ACACA: variants seen among roughly 807,000 people sequenced by gnomAD.
The protein encoded by ACACA is acetyl-CoA carboxylase alpha.
A neutral mutation model predicts 296.1 loss-of-function variants in ACACA; 103 were observed. The observed-to-expected ratio is 0.35, with a 90% CI of 0.30 to 0.41. The LOEUF (loss-of-function observed/expected upper bound fraction) is 0.41. Ranked by LOEUF, ACACA falls within the 10% of genes least tolerant of loss-of-function variation. The probability of loss-of-function intolerance (pLI) is 1.00; values close to 1 mark genes in which losing one functional copy is unlikely to be tolerated. For missense variants in ACACA, 1,554 were observed against 2,989.7 expected (o/e 0.52, Z 11.20); for synonymous variants, 953 against 1,038.6 (o/e 0.92, Z 1.58).
At chr17:37,206,071 T>G (rs1190847545) in intron 32 of ACACA, among the ~76,000 whole-genome samples, 199 bp from the exon 33 acceptor site, 4 of 152,186 alleles carry the variant, frequency 2.6e-5, no homozygotes, top group Non-Finnish European at 4.4e-5. Context: ...AGCATATAAA[T>G]TTTAAAAGAT....
At chr17:37,207,210 A>G (rs975961388) in intron 31 of ACACA, among the ~76,000 whole-genome samples, 3 of 152,226 alleles carry the variant, frequency 2.0e-5, no homozygotes, top group African/African-American at 7.2e-5. Context: ...AGTGTCTGGA[A>G]CTGGAGTAGT....
intron 52 of ACACA, among the ~76,000 whole-genome samples, chr17:37,108,328 G>A (rs940516242): frequency 6.6e-6 from 1 of 151,842 alleles, no homozygotes; most frequent in Non-Finnish European, 1.5e-5. Flanking sequence ...TTCTAGAAGA[G>A]ATGAAGTTAG....
At chr17:37,090,508 T>C (rs1345882077) in intron 54 of ACACA, among the ~76,000 whole-genome samples, 1 of 152,202 alleles carries the variant, frequency 6.6e-6, no homozygotes, top group East Asian at 1.9e-4. Flanking sequence ...TCAGCAATTC[T>C]TCAGCTGGGG....
intron 1 of ACACA, among the ~76,000 whole-genome samples, chr17:37,382,030 TTC>T (rs1292310098): frequency 6.6e-6 from 1 of 152,228 alleles, no homozygotes; most frequent in African/African-American, 2.4e-5. Flanking sequence ...GTATATATTC[TTC>T]TTTTTTCTCT....
At chr17:37,094,596 G>A (rs953674530) in intron 54 of ACACA, among the ~76,000 whole-genome samples, 11 of 131,134 alleles carry the variant, frequency 8.4e-5, no homozygotes, top group African/African-American at 2.6e-4. Context: ...ACACCAAACA[G>A]CAAGCAGATT....
intron 33 of ACACA, among the ~76,000 whole-genome samples, chr17:37,205,469 A>G (rs978351359): frequency 6.6e-6 from 1 of 152,304 alleles, no homozygotes; most frequent in South Asian, 2.1e-4. Flanking sequence ...CACCAAAGGA[A>G]AATACTTGGT....
At chr17:37,366,483 T>C (rs1158555352) in intron 1 of ACACA, among the ~76,000 whole-genome samples, 1 of 151,548 alleles carries the variant, frequency 6.6e-6, no homozygotes. Flanking sequence ...TTTTTTTTTT[T>C]TTTGAGACGG....
intron 1 of ACACA, among the ~76,000 whole-genome samples, chr17:37,351,254 G>T (rs928471009): frequency 6.6e-6 from 1 of 152,162 alleles, no homozygotes; most frequent in Admixed American, 6.5e-5. Context: ...CTGATGTCAG[G>T]GGTTCAAGAC....
chr17:37,274,827 T>C (rs1308681645), intron 8 of ACACA: 2 of 246,606 alleles, frequency 8.1e-6, no homozygotes, highest in African/African-American at 4.6e-5. Flanking sequence ...CCTTTTATTT[T>C]AAACTATTTG....
chr17:37,297,725 AT>A (rs2083422457), intron 3 of ACACA, among the ~76,000 whole-genome samples: 1 of 151,630 alleles, frequency 6.6e-6, no homozygotes, highest in South Asian at 2.1e-4. Context: ...TAATTTTTGT[AT>A]TTTTAGTAGA....
At chr17:37,388,519 C>T (rs1022550704) in intron 1 of ACACA, 50 of 884,584 alleles carry the variant, frequency 5.7e-5, no homozygotes, top group Non-Finnish European at 7.8e-5. Context: ...CCCTCCAGCC[C>T]TGAGTTTGAA....
At chr17:37,295,337 T>G (rs964255317) in intron 3 of ACACA, among the ~76,000 whole-genome samples, 2 of 151,938 alleles carry the variant, frequency 1.3e-5, no homozygotes, top group Non-Finnish European at 2.9e-5. Flanking sequence ...ACAAGAAAAA[T>G]AAACCCCAAA....
chr17:37,106,268 A>T (rs1023187474), intron 52 of ACACA, among the ~76,000 whole-genome samples: 5 of 152,176 alleles, frequency 3.3e-5, no homozygotes. Flanking sequence ...GCCTTAAGGG[A>T]GCTATTTTAT....
intron 45 of ACACA, chr17:37,143,886 A>G: frequency 6.5e-6 from 10 of 1,546,182 alleles, no homozygotes; most frequent in Non-Finnish European, 8.9e-6. Flanking sequence ...TGTCATCTGC[A>G]GCAGTGTTAT....
chr17:37,109,212 A>G (rs2073854396), intron 52 of ACACA, among the ~76,000 whole-genome samples: 1 of 152,210 alleles, frequency 6.6e-6, no homozygotes, highest in Non-Finnish European at 1.5e-5. Context: ...CCCGTATAGG[A>G]TATCCCTGAG....
chr17:37,243,459 G>A lies in ACACA; in HGVS notation c.2843C>T (p.Pro948Leu). The A allele has an allele frequency of 6.2e-7, 1 of 1,614,078 alleles. No individual in the cohort carries two copies. Among genetic ancestry groups the A allele is most frequent in the South Asian group, 1.1e-5 (1 of 91,076 alleles). ...CTTGATAGACTTCTCCACATTGGGG[G>A]GAATGCGGCCAGACACACTGGTCAT... ...DIMTSVSGRI[P>L]PNVEKSIKKE... Residue 948 changes from proline to leucine, a missense_variant, in exon 22 of 56, where the codon CCC becomes CTC. This residue lies in a region of ACACA where 316 missense variants were observed against 540.9 expected (regional missense o/e 0.58). Transcript: ENST00000616317.
At chr17:37,226,776 A>G (rs186660556) in intron 25 of ACACA, among the ~76,000 whole-genome samples, 2 of 152,288 alleles carry the variant, frequency 1.3e-5, no homozygotes, top group African/African-American at 4.8e-5. Flanking sequence ...AATAATAGAT[A>G]TGTCTCAAAG....
At chr17:37,159,872 A>C (rs937496251) in intron 42 of ACACA, among the ~76,000 whole-genome samples, 1 of 152,236 alleles carries the variant, frequency 6.6e-6, no homozygotes, top group African/African-American at 2.4e-5. Flanking sequence ...GGAAGATAAA[A>C]AGGAGACTTT....
Position 37,400,418 on chromosome 17 carries a change from C to A in ACACA, c.38+5844G>T, listed in dbSNP as rs555444641. On this transcript the variant is annotated intron_variant, in intron 1 of 55. Coordinates refer to ENST00000616317, the MANE Select transcript of ACACA (RefSeq NM_198834.3). ...TACAGGTGTGAGCCACAGTGCCTGG[C>A]CTCAAGTATATATTTTTAACTATAG... 2.0e-5 allele frequency among the ~76,000 whole-genome samples: 3 copies of A among 152,236 alleles called. No individual in the cohort carries two copies. In the South Asian group the frequency reaches 6.2e-4, roughly 32 times the overall value.
Sources: allele counts gnomAD v4.1 joint callset (sites outside exome capture counted in the v4.1 genomes callset), GRCh38; gene constraint gnomAD v4.1.1; regional missense constraint gnomAD v4.1.1; transcripts MANE v1.5; gene names NCBI Gene and HGNC (gene_info 2026-07-23, HGNC 2026-07-21).